The following CNTN4 variants were observed in gnomAD, a reference collection of about 807,000 sequenced individuals.
CNTN4 encodes the protein contactin-4.
In CNTN4, 77 loss-of-function variants were observed where a neutral mutation model predicts 122.5. The ratio of observed to expected loss-of-function variants is 0.63; its 90% CI spans 0.52 to 0.76. The LOEUF is 0.76. Ranked by LOEUF, CNTN4 falls within the 30% of genes least tolerant of loss-of-function variation. The pLI, the probability that CNTN4 is intolerant of heterozygous loss-of-function variation, is 0.00. For synonymous variants in CNTN4, 512 were observed against 447.0 expected (o/e 1.15, Z -1.83); for missense variants, 1,256 against 1,259.1 (o/e 1.00, Z 0.04).
chr3:2,122,724 A>G (rs1188003909), intron 2 of CNTN4, among the ~76,000 whole-genome samples: 1 of 152,216 alleles, frequency 6.6e-6, no homozygotes. Context: ...CATTCTCAAA[A>G]CAAGGTTGTC....
At chr3:2,743,041 G>A (rs182087094) in intron 5 of CNTN4, among the ~76,000 whole-genome samples, 140 of 152,272 alleles carry the variant, frequency 9.2e-4, no homozygotes, top group African/African-American at 3.3e-3. Flanking sequence ...TTTCTGCACA[G>A]CATTTTAGTT....
At chr3:2,170,234 G>C (rs2036433172) in intron 2 of CNTN4, among the ~76,000 whole-genome samples, 1 of 151,902 alleles carries the variant, frequency 6.6e-6, no homozygotes, top group Admixed American at 6.6e-5. Flanking sequence ...GCGGGAGAAT[G>C]GCGGGAACCC....
At chr3:2,180,339 T>C (rs981249874) in intron 2 of CNTN4, among the ~76,000 whole-genome samples, 2 of 152,072 alleles carry the variant, frequency 1.3e-5, no homozygotes, top group African/African-American at 4.8e-5. Flanking sequence ...TAGAAGGGTA[T>C]GTTACTTTAC....
At chr3:2,697,390 C>G (rs1051127624) in intron 4 of CNTN4, among the ~76,000 whole-genome samples, 3 of 152,166 alleles carry the variant, frequency 2.0e-5, no homozygotes, top group East Asian at 1.9e-4. Flanking sequence ...GAGCATCCGT[C>G]TCTGTCTCCC....
At chr3:2,699,004 CAA>C (rs2086204622) in intron 4 of CNTN4, among the ~76,000 whole-genome samples, 1 of 144,206 alleles carries the variant, frequency 6.9e-6, no homozygotes, top group African/African-American at 2.6e-5. Flanking sequence ...GTGTGGGCGA[CAA>C]GAGCGAGACT....
At chr3:2,747,298 G>T (rs9851092) in intron 6 of CNTN4, among the ~76,000 whole-genome samples, 1 of 150,298 alleles carries the variant, frequency 6.7e-6, no homozygotes, top group Admixed American at 6.6e-5. Context: ...AGTCCCAGCT[G>T]CTCGGGAGGC....
intron 2 of CNTN4, among the ~76,000 whole-genome samples, chr3:2,186,403 G>A (rs1223929544): frequency 2.6e-5 from 4 of 152,148 alleles, no homozygotes; most frequent in African/African-American, 9.7e-5. Context: ...GTGTGCATGT[G>A]TGTTTATAGC....
intron 3 of CNTN4, among the ~76,000 whole-genome samples, chr3:2,402,501 G>T (rs2046893042): frequency 6.6e-6 from 1 of 152,002 alleles, no homozygotes; most frequent in Non-Finnish European, 1.5e-5. Context: ...TTAAATCAGG[G>T]TAATTGGGAT....
intron 2 of CNTN4, among the ~76,000 whole-genome samples, chr3:2,331,832 A>G (rs1003279762): frequency 3.3e-5 from 5 of 152,112 alleles, no homozygotes; most frequent in South Asian, 4.1e-4. Context: ...TGAAAATGCT[A>G]TATAAACTGC....
At chr3:2,903,087 TTCAA>T in intron 12 of CNTN4, 82 bp downstream of exon 12, 1 of 1,424,684 alleles carries the variant, frequency 7.0e-7, no homozygotes, top group Non-Finnish European at 9.7e-7. Context: ...AGCATAAATG[TTCAA>T]TCCAAGAAAA....
intron 5 of CNTN4, 118 bp from the exon 6 acceptor site, chr3:2,745,404 T>C (rs2149552171): frequency 2.2e-6 from 2 of 893,366 alleles, no homozygotes; most frequent in Non-Finnish European, 1.8e-6. Flanking sequence ...TTAATCATGC[T>C]TTTTACAAAA....
rs754300449 is a variant in CNTN4 at position 2,903,046 on chromosome 3, T to G, written c.1207+41T>G. The G allele has an allele frequency of 6.3e-6, 10 of 1,594,636 alleles. No homozygotes were observed. In the South Asian group the frequency reaches 6.6e-5, roughly 11 times the overall value. On this transcript the variant is annotated intron_variant, in intron 12 of 24. Transcript: ENST00000418658. The stretch of plus-strand genomic sequence containing the variant: ...GGCAAGAAAAAAAAATTAAAACTCT[T>G]TAGATCACTAAACTAACTTGTTCTT...
At chr3:2,276,032 AAAATATTGCTTTT>A (rs1275385796) in intron 2 of CNTN4, among the ~76,000 whole-genome samples, 1 of 150,984 alleles carries the variant, frequency 6.6e-6, no homozygotes, top group Non-Finnish European at 1.5e-5. Context: ...AATAATTTCA[AAAATATTGCTTTT>A]TGTATGTCTA....
rs546023872 is a variant in CNTN4 at position 2,193,982 on chromosome 3, A to G, written c.-145+93343A>G. 5.3e-5 allele frequency among the ~76,000 whole-genome samples: 8 copies of G among 152,242 alleles called. No homozygotes were observed. In the South Asian group the frequency reaches 1.5e-3, roughly 28 times the overall value. On this transcript the variant is annotated intron_variant, in intron 2 of 24. Coordinates refer to ENST00000418658, the MANE Select transcript of CNTN4 (RefSeq NM_175607.3). The stretch of plus-strand genomic sequence containing the variant: ...CAATGATAAAATTGCTTAATGATAC[A>G]TTTCTCAAAACACATCCTTGTGAAG...
At chr3:2,708,966 G>A (rs966013100) in intron 4 of CNTN4, among the ~76,000 whole-genome samples, 1 of 152,114 alleles carries the variant, frequency 6.6e-6, no homozygotes, top group Non-Finnish European at 1.5e-5. Flanking sequence ...TGTCGATATC[G>A]CATTGCAGAA....
chr3:2,327,327 G>T (rs1289844955), intron 2 of CNTN4, among the ~76,000 whole-genome samples: 2 of 152,138 alleles, frequency 1.3e-5, no homozygotes, highest in African/African-American at 4.8e-5. Flanking sequence ...TGTGTGTGTA[G>T]CTCAATTCAG....
At chr3:2,919,189 C>CAAAAA (rs72363068) in intron 12 of CNTN4, among the ~76,000 whole-genome samples, 18,369 of 137,494 alleles carry the variant, frequency 0.13, 1,369 homozygotes, top group Non-Finnish European at 0.18. Context: ...ACTAAAAATA[C>CAAAAA]AAAAAAAAAA....
At chr3:2,432,994 T>A (rs1315596063) in intron 3 of CNTN4, among the ~76,000 whole-genome samples, 4 of 151,844 alleles carry the variant, frequency 2.6e-5, no homozygotes, top group East Asian at 1.9e-4. Context: ...TTTGTTTGTT[T>A]GTTTGTTTAG....
At chr3:2,521,298 C>G (rs756336309) in intron 3 of CNTN4, among the ~76,000 whole-genome samples, 1 of 151,398 alleles carries the variant, frequency 6.6e-6, no homozygotes, top group Non-Finnish European at 1.5e-5. Context: ...TGAAGCAGGC[C>G]TCTGCTTCAT....
Sources: allele counts gnomAD v4.1 joint callset (sites outside exome capture counted in the v4.1 genomes callset), GRCh38; gene constraint gnomAD v4.1.1; transcripts MANE v1.5; gene names NCBI Gene and HGNC (gene_info 2026-07-23, HGNC 2026-07-21).